Variants in DMRT1 observed in about 807,000 individuals in gnomAD.
The protein encoded by DMRT1 is doublesex- and mab-3-related transcription factor 1.
DMRT1 carries 7 observed loss-of-function variants against 32.3 expected under a neutral mutation model. The observed-to-expected ratio is 0.22, with a 90% CI of 0.12 to 0.41. The LOEUF is 0.41. Ranked by LOEUF, DMRT1 falls within the 10% of genes least tolerant of loss-of-function variation. The pLI, the probability that DMRT1 is intolerant of heterozygous loss-of-function variation, is 1.00. For synonymous variants in DMRT1, 278 were observed against 206.1 expected (o/e 1.35, Z -2.99); for missense variants, 625 against 500.5 (o/e 1.25, Z -2.37).
chr9:961,911 GA>G (rs746667617), intron 4 of DMRT1, among the ~76,000 whole-genome samples: 15 of 152,180 alleles, frequency 9.9e-5, no homozygotes, highest in Non-Finnish European at 1.9e-4. Flanking sequence ...CACAGATGGA[GA>G]AACTAGGGCG....
Position 956,019 on chromosome 9 carries a change from G to A in DMRT1, c.968-11966G>A, listed in dbSNP as rs370329433. ...AGCGTTATTCAAAGGTGGATGCAAC[G>A]CAAATGACCATTAGTGCATGGATGG... On this transcript the variant is annotated intron_variant, in intron 4 of 4. Transcript: ENST00000382276. Among the ~76,000 whole-genome samples, 23 of 152,326 alleles carry A rather than the reference G, an allele frequency of 1.5e-4. No homozygotes were observed. The South Asian group carries it at 4.4e-3, about 29-fold the overall frequency.
chr9:872,589 T>C (rs1207442926), intron 2 of DMRT1, among the ~76,000 whole-genome samples: 1 of 152,246 alleles, frequency 6.6e-6, no homozygotes. Flanking sequence ...TGGGATTATT[T>C]GTGTCTGACT....
At chr9:925,278 G>A (rs1818484504) in intron 4 of DMRT1, among the ~76,000 whole-genome samples, 1 of 152,162 alleles carries the variant, frequency 6.6e-6, no homozygotes, top group African/African-American at 2.4e-5. Context: ...TCATCTACTT[G>A]GAGTTAGGTA....
At chr9:880,118 T>C (rs1282866318) in intron 2 of DMRT1, among the ~76,000 whole-genome samples, 4 of 152,198 alleles carry the variant, frequency 2.6e-5, no homozygotes, top group Non-Finnish European at 5.9e-5. Context: ...GCCAAATATC[T>C]GAGTTTCAGT....
chr9:850,205 C>T (rs1245980127), intron 2 of DMRT1, among the ~76,000 whole-genome samples: 3 of 152,144 alleles, frequency 2.0e-5, no homozygotes, highest in Non-Finnish European at 4.4e-5. Flanking sequence ...ACCAGACCTC[C>T]TGAGTGAGGA....
chr9:852,285 A>C (rs1489569619), intron 2 of DMRT1, among the ~76,000 whole-genome samples: 4 of 92,450 alleles, frequency 4.3e-5, no homozygotes, highest in Admixed American at 1.1e-4. Flanking sequence ...CCATTTTTGG[A>C]GTATTCAGAA....
At chr9:855,003 G>T (rs1024824871) in intron 2 of DMRT1, among the ~76,000 whole-genome samples, 1 of 150,986 alleles carries the variant, frequency 6.6e-6, no homozygotes, top group East Asian at 2.0e-4. Context: ...TCCTGACCTC[G>T]TGATCCGCCC....
At chr9:844,460 T>TG in intron 1 of DMRT1, among the ~76,000 whole-genome samples, 1 of 140,522 alleles carries the variant, frequency 7.1e-6, no homozygotes, top group African/African-American at 3.3e-5. Flanking sequence ...CTTCAGAGGT[T>TG]TGCAGGGGTT....
rs532182333 is a variant in DMRT1 at position 851,922 on chromosome 9, T to C, written c.538+4779T>C. On this transcript the variant is annotated intron_variant, in intron 2 of 4. Transcript: ENST00000382276. ...CTGTTGCTTGTACCAGCAGGATCAG[T>C]TGTTAGCAGGTACACTTTTTTTTTG... Among the ~76,000 whole-genome samples, 9 of 149,444 alleles carry C rather than the reference T, an allele frequency of 6.0e-5. No individual in the cohort carries two copies. In the Admixed American group the frequency reaches 6.1e-4, roughly 10 times the overall value.
chr9:895,801 CTTTT>C (rs1187539144), intron 3 of DMRT1, among the ~76,000 whole-genome samples: 3 of 121,976 alleles, frequency 2.5e-5, no homozygotes, highest in Non-Finnish European at 1.7e-5. Context: ...ATAACTGAAA[CTTTT>C]TTTTTTTTTT....
At chr9:910,096 C>T (rs72699288) in intron 3 of DMRT1, among the ~76,000 whole-genome samples, 2 of 152,216 alleles carry the variant, frequency 1.3e-5, no homozygotes, top group Admixed American at 6.5e-5. Context: ...TAAGACTGTT[C>T]CCCTTTCTGC....
At chr9:875,091 T>A (rs1052462098) in intron 2 of DMRT1, among the ~76,000 whole-genome samples, 2 of 152,108 alleles carry the variant, frequency 1.3e-5, no homozygotes, top group African/African-American at 2.4e-5. Flanking sequence ...ATTACAGGCG[T>A]GAGCCACCGC....
chr9:917,051 A>G, intron 4 of DMRT1, 144 bp downstream of exon 4: 1 of 924,512 alleles, frequency 1.1e-6, no homozygotes, highest in Non-Finnish European at 1.7e-6. Flanking sequence ...AGTATCCTTT[A>G]AAGAATTTAG....
intron 3 of DMRT1, among the ~76,000 whole-genome samples, chr9:898,744 T>C (rs914782168): frequency 1.9e-4 from 29 of 152,236 alleles, no homozygotes; most frequent in Admixed American, 1.9e-3. Context: ...CTTTCTTGAC[T>C]GTGTTGCTAA....
At position 884,698 on chromosome 9, in the gene DMRT1, C is replaced by T. The variant is rs139924871; in HGVS notation, c.539-9214C>T. Among the ~76,000 whole-genome samples the T allele has an allele frequency of 7.5e-3, 1,141 of 152,242 alleles. 11 individuals are homozygous for T. Among genetic ancestry groups the T allele is most frequent in the African/African-American group, 0.026 (1,085 of 41,550 alleles). On this transcript the variant is annotated intron_variant, in intron 2 of 4. Transcript: ENST00000382276. ...AACACTTAAAACATCTGGCCAGGTG[C>T]GGTGGCTCACGCCTGTAATCCCAGC...
chr9:905,316 C>G (rs982529383), intron 3 of DMRT1, among the ~76,000 whole-genome samples: 1 of 152,136 alleles, frequency 6.6e-6, no homozygotes, highest in Non-Finnish European at 1.5e-5. Flanking sequence ...GGTATTATCC[C>G]CACATTTTAT....
At chr9:845,680 C>T (rs1481701330) in intron 1 of DMRT1, among the ~76,000 whole-genome samples, 2 of 152,122 alleles carry the variant, frequency 1.3e-5, no homozygotes, top group East Asian at 3.9e-4. Flanking sequence ...TCAGGGACTT[C>T]AACACCAAAT....
rs147428807 is a variant in DMRT1 at position 890,054 on chromosome 9, T to C, written c.539-3858T>C. ...TGACCTTGAAAACAAAAGAATGATA[T>C]AGAAAACCACCACTTAACGCCACCA... is the stretch of plus-strand genomic sequence containing the variant. On this transcript the variant is annotated intron_variant, in intron 2 of 4. Coordinates refer to ENST00000382276, the MANE Select transcript of DMRT1 (RefSeq NM_021951.3). Among the ~76,000 whole-genome samples the C allele has an allele frequency of 8.8e-3, 1,320 of 150,112 alleles. 18 individuals carry two copies. The highest frequency in any genetic ancestry group is 0.029 in the African/African-American group (1,180 of 40,778).
At chr9:935,425 T>A (rs547855620) in intron 4 of DMRT1, among the ~76,000 whole-genome samples, 68 of 152,324 alleles carry the variant, frequency 4.5e-4, no homozygotes, top group African/African-American at 1.6e-3. Flanking sequence ...GACACACTCT[T>A]AGGTTGAGAG....
Sources: gnomAD v4.1 joint callset for allele counts (sites outside exome capture counted in the v4.1 genomes callset) on GRCh38, gnomAD v4.1.1 for gene constraint, MANE v1.5 for transcripts, NCBI Gene and HGNC (gene_info 2026-07-23, HGNC 2026-07-21) for gene names.